The following RANBP2 variants were observed in gnomAD, a reference collection of about 807,000 sequenced individuals.
RANBP2 encodes RAN binding protein 2.
In RANBP2, 57 loss-of-function variants were observed where a neutral mutation model predicts 303.6. The ratio of observed to expected loss-of-function variants is 0.19; its 90% CI spans 0.15 to 0.23. RANBP2 has a LOEUF of 0.23. Among genes scored for constraint, RANBP2 ranks in the 10% least tolerant of loss-of-function variants. The pLI is 1.00. For synonymous variants in RANBP2, 1,167 were observed against 1,301.5 expected (o/e 0.90, Z 2.23); for missense variants, 3,138 against 3,780.8 (o/e 0.83, Z 4.46).
the RANBP2 span, among the ~76,000 whole-genome samples, chr2:109,388,713 G>C: frequency 6.6e-6 from 1 of 152,218 alleles, no homozygotes; most frequent in Admixed American, 6.5e-5. Flanking sequence ...TGTGAAATGA[G>C]ACCCCTGCAA....
the RANBP2 span, among the ~76,000 whole-genome samples, chr2:109,406,684 G>T: frequency 6.6e-6 from 1 of 152,180 alleles, no homozygotes; most frequent in East Asian, 1.9e-4. Context: ...TTCTGACAGA[G>T]ATTTTAAGAC....
the RANBP2 span, among the ~76,000 whole-genome samples, chr2:109,213,900 G>A: frequency 6.6e-6 from 1 of 152,300 alleles, no homozygotes; most frequent in East Asian, 1.9e-4. Flanking sequence ...AAGCCTCCCG[G>A]GACACTGGTG....
At chr2:109,347,172 T>C in the RANBP2 span, among the ~76,000 whole-genome samples, 1 of 152,212 alleles carries the variant, frequency 6.6e-6, no homozygotes, top group African/African-American at 2.4e-5. Flanking sequence ...GGATACTTGC[T>C]AGAAGTCTGG....
chr2:109,103,429 A>G, the RANBP2 span, among the ~76,000 whole-genome samples: 1 of 152,234 alleles, frequency 6.6e-6, no homozygotes, highest in Non-Finnish European at 1.5e-5. Flanking sequence ...TAAGACTTCA[A>G]TCAATCCGTG....
chr2:108,831,705 C>CTTCCTTCCTTCCTTCT, the RANBP2 span, among the ~76,000 whole-genome samples: 3 of 141,788 alleles, frequency 2.1e-5, no homozygotes, highest in Non-Finnish European at 4.7e-5. Flanking sequence ...CAGAATCTTC[C>CTTCCTTCCTTCCTTCT]TTCCTTCCTT....
the RANBP2 span, among the ~76,000 whole-genome samples, chr2:109,104,321 G>A: frequency 1.3e-5 from 2 of 152,160 alleles, no homozygotes; most frequent in Non-Finnish European, 2.9e-5. Context: ...CTGGTCATCT[G>A]TATGTATGCT....
the RANBP2 span, among the ~76,000 whole-genome samples, chr2:109,498,933 A>G: frequency 6.6e-6 from 1 of 152,162 alleles, no homozygotes; most frequent in Admixed American, 6.5e-5. Context: ...TGGGGTCGCT[A>G]GGGCGCGGCA....
At chr2:109,453,170 C>G in the RANBP2 span, among the ~76,000 whole-genome samples, 1 of 152,170 alleles carries the variant, frequency 6.6e-6, no homozygotes, top group Non-Finnish European at 1.5e-5. Flanking sequence ...TGAACCAGAG[C>G]TCCTCTCTGG....
the RANBP2 span, among the ~76,000 whole-genome samples, chr2:109,574,419 T>C: frequency 7.7e-6 from 1 of 130,246 alleles, no homozygotes. Context: ...ACCTCCAGCC[T>C]GGGTGACAGA....
chr2:108,744,726 G>A (rs905709076), intron 7 of RANBP2, among the ~76,000 whole-genome samples: 1 of 152,172 alleles, frequency 6.6e-6, no homozygotes, highest in Non-Finnish European at 1.5e-5. Flanking sequence ...AAATGAACAT[G>A]TTTGGAAAGA....
the RANBP2 span, among the ~76,000 whole-genome samples, chr2:109,052,038 A>G: frequency 6.6e-6 from 1 of 152,060 alleles, no homozygotes; most frequent in East Asian, 1.9e-4. Context: ...GTGAGCCACC[A>G]CGCCTGGACT....
At position 108,772,582 on chromosome 2, in the gene RANBP2, G is replaced by T; in HGVS notation, c.8113+1G>T. Reference sequence around the variant, plus strand: ...AGACCCTTGGAAGAAAATACAGCAGGTATGTTAAGTGTAAAGGACATTTAT... The same window carrying T: ...AGACCCTTGGAAGAAAATACAGCAGTTATGTTAAGTGTAAAGGACATTTAT... On this transcript the variant is annotated splice_donor_variant, in intron 22 of 28. Coordinates refer to ENST00000283195, the MANE Select transcript of RANBP2 (RefSeq NM_006267.5). LOFTEE classifies it high-confidence loss of function. 6.2e-7 allele frequency: 1 copy of T among 1,611,078 alleles called. No individual in the cohort carries two copies.
chr2:109,152,594 A>G, the RANBP2 span, among the ~76,000 whole-genome samples: 5 of 152,240 alleles, frequency 3.3e-5, no homozygotes, highest in African/African-American at 1.2e-4. Flanking sequence ...ATTGTGTATT[A>G]TCAGATTTAT....
chr2:108,805,508 G>A, the RANBP2 span, among the ~76,000 whole-genome samples: 3 of 151,820 alleles, frequency 2.0e-5, no homozygotes, highest in Admixed American at 6.6e-5. Flanking sequence ...GGCGGATCAC[G>A]AGGTCAGGAG....
the RANBP2 span, chr2:109,543,062 ATATATC>A: frequency 6.6e-6 from 1 of 152,654 alleles, no homozygotes; most frequent in African/African-American, 2.4e-5. Flanking sequence ...ATGAAAATGT[ATATATC>A]TATGACTGTT....
chr2:109,249,549 T>C, the RANBP2 span, among the ~76,000 whole-genome samples: 1 of 127,660 alleles, frequency 7.8e-6, no homozygotes, highest in African/African-American at 3.3e-5. Flanking sequence ...CCTTCCTTCC[T>C]TCCTTCCTTC....
At chr2:108,964,963 A>G in the RANBP2 span, among the ~76,000 whole-genome samples, 3 of 152,154 alleles carry the variant, frequency 2.0e-5, no homozygotes, top group East Asian at 5.8e-4. Flanking sequence ...TAACATTTAA[A>G]TTTTTTTTAA....
the RANBP2 span, chr2:109,504,381 CAGAG>C: frequency 2.0e-5 from 3 of 152,256 alleles, no homozygotes; most frequent in South Asian, 6.2e-4. Context: ...CAGAGGGAGG[CAGAG>C]AGGATGGCGG....
the RANBP2 span, among the ~76,000 whole-genome samples, chr2:108,856,485 A>G: frequency 6.6e-6 from 1 of 152,198 alleles, no homozygotes; most frequent in African/African-American, 2.4e-5. Context: ...TCAAATATGG[A>G]AAAATAAACA....
Sources: gnomAD v4.1 joint callset for allele counts (sites outside exome capture counted in the v4.1 genomes callset) on GRCh38, gnomAD v4.1.1 for gene constraint, MANE v1.5 for transcripts, NCBI Gene and HGNC (gene_info 2026-07-23, HGNC 2026-07-21) for gene names.